Variants in PLCL2 observed in about 807,000 individuals in gnomAD.
The protein encoded by PLCL2 is phospholipase C like 2.
PLCL2 carries 4 observed loss-of-function variants against 79.6 expected under a neutral mutation model. The observed-to-expected ratio is 0.05, with a 90% CI of 0.02 to 0.11. PLCL2 has a LOEUF of 0.11. PLCL2 is among the 10% of genes least tolerant of loss of function. The pLI is 1.00. For synonymous variants in PLCL2, 484 were observed against 457.7 expected, an observed-to-expected ratio of 1.06 and a Z score of -0.73; for missense variants, 895 against 1,291.0, an observed-to-expected ratio of 0.69 and a Z score of 4.70.
intron 1 of PLCL2, among the ~76,000 whole-genome samples, chr3:17,003,079 C>T (rs2064226520): frequency 6.6e-6 from 1 of 152,176 alleles, no homozygotes; most frequent in Non-Finnish European, 1.5e-5. Flanking sequence ...GTTTCAGCAT[C>T]TTCTGAGTCA....
chr3:17,009,787 A>G lies in PLCL2; in HGVS notation c.441A>G (p.Ser147=), dbSNP rs754662964. The G allele has an allele frequency of 4.3e-6, 7 of 1,613,854 alleles. No homozygotes were observed. Among genetic ancestry groups the G allele is most frequent in the Non-Finnish European group, 5.9e-6 (7 of 1,179,826 alleles). Residue 147 remains serine (S), a synonymous_variant, in exon 2 of 6, where the codon TCA becomes TCG. Transcript: ENST00000615277. The surrounding 1 kb of genome is among the most constrained non-coding windows in gnomAD (Gnocchi z 4.0). ...SDCINSMVEG[S]ELKKVRSNSR... is the part of the protein sequence containing the mutation. Reference sequence around the variant, plus strand: ...GTATTAATTCAATGGTTGAGGGTTCAGAACTCAAAAAGGTTCGCTCCAACT... The same window carrying G: ...GTATTAATTCAATGGTTGAGGGTTCGGAACTCAAAAAGGTTCGCTCCAACT...
At chr3:17,032,028 T>C (rs990777417) in intron 3 of PLCL2, among the ~76,000 whole-genome samples, 3 of 151,856 alleles carry the variant, frequency 2.0e-5, no homozygotes, top group African/African-American at 7.3e-5. Context: ...TTTTTGAAAT[T>C]CTGTTTATTT....
intron 4 of PLCL2, among the ~76,000 whole-genome samples, chr3:17,056,549 AT>A (rs2064894157): frequency 6.6e-6 from 1 of 152,210 alleles, no homozygotes; most frequent in African/African-American, 2.4e-5. Context: ...CTTTCTTATA[AT>A]AATAAGGAAT....
At chr3:17,007,847 A>G (rs1575583563) in intron 1 of PLCL2, among the ~76,000 whole-genome samples, 1 of 152,284 alleles carries the variant, frequency 6.6e-6, no homozygotes, top group South Asian at 2.1e-4. Context: ...TCCCATCCCT[A>G]TTTCTTATTT....
Position 16,917,463 on chromosome 3 carries a change from G to T in PLCL2, c.327+32097G>T, listed in dbSNP as rs994540161. Among the ~76,000 whole-genome samples, 12 of 152,282 alleles carry T rather than the reference G, an allele frequency of 7.9e-5. No individual in the cohort carries two copies. In the East Asian group the frequency reaches 2.3e-3, roughly 29 times the overall value. On this transcript the variant is annotated intron_variant, in intron 1 of 5. Transcript: ENST00000615277. The stretch of plus-strand genomic sequence containing the variant: ...GACACATCAGAAATGTCTTGTCTCT[G>T]CTCTCTGATGTCTGGGGCTTCAACT...
intron 5 of PLCL2, among the ~76,000 whole-genome samples, chr3:17,089,485 A>T (rs2065252708): frequency 6.6e-6 from 1 of 152,188 alleles, no homozygotes; most frequent in Non-Finnish European, 1.5e-5. Context: ...ATGCACACAG[A>T]ACCCCATGCA....
Position 16,951,135 on chromosome 3 carries a change from A to G in PLCL2, c.328-58539A>G, listed in dbSNP as rs116696949. ...GAATGGCTTTCTGTTTTTTTTCCTG[A>G]GTAGTTTATGTAACATAGAATTTAC... On this transcript the variant is annotated intron_variant, in intron 1 of 5. Transcript: ENST00000615277. 2.8e-3 allele frequency among the ~76,000 whole-genome samples: 433 copies of G among 152,200 alleles called. 10 individuals are homozygous for G. Among genetic ancestry groups the G allele is most frequent in the Non-Finnish European group, 3.3e-3 (225 of 67,992 alleles).
At chr3:17,071,318 G>GT (rs1055246432) in intron 5 of PLCL2, among the ~76,000 whole-genome samples, 23 of 151,562 alleles carry the variant, frequency 1.5e-4, no homozygotes, top group Admixed American at 2.6e-4. Flanking sequence ...GCCTAGTTTA[G>GT]TTTTTTTTTA....
intron 1 of PLCL2, among the ~76,000 whole-genome samples, chr3:16,972,858 C>G (rs991451853): frequency 2.4e-4 from 37 of 151,952 alleles, no homozygotes; most frequent in African/African-American, 8.7e-4. Flanking sequence ...CATCTGTTTA[C>G]TTTGAGCCTA....
chr3:16,908,765 T>C (rs1696807475), intron 1 of PLCL2, among the ~76,000 whole-genome samples: 1 of 152,196 alleles, frequency 6.6e-6, no homozygotes, highest in Non-Finnish European at 1.5e-5. Context: ...TCCAGGTGGT[T>C]TATTATACAT....
intron 1 of PLCL2, among the ~76,000 whole-genome samples, chr3:16,963,595 T>C (rs924678969): frequency 1.3e-5 from 2 of 152,190 alleles, no homozygotes; most frequent in Admixed American, 1.3e-4. Flanking sequence ...TCCTTGTGAC[T>C]GAATTCTTTG....
At chr3:17,048,703 T>G (rs181182814) in intron 4 of PLCL2, among the ~76,000 whole-genome samples, 1 of 152,344 alleles carries the variant, frequency 6.6e-6, no homozygotes, top group African/African-American at 2.4e-5. Context: ...GTTGGGAGTA[T>G]CTGCTTAAAA....
chr3:16,896,452 T>G (rs1335861375), intron 1 of PLCL2, among the ~76,000 whole-genome samples: 1 of 152,244 alleles, frequency 6.6e-6, no homozygotes. Context: ...CATCTTACAC[T>G]GCAGTCGTGA....
At chr3:16,996,341 G>C (rs1179113605) in intron 1 of PLCL2, among the ~76,000 whole-genome samples, 3 of 151,988 alleles carry the variant, frequency 2.0e-5, no homozygotes, top group African/African-American at 4.8e-5. Context: ...CCTGGACTCA[G>C]GGCCTTCCTA....
At chr3:17,039,602 C>T (rs1469142110) in intron 3 of PLCL2, among the ~76,000 whole-genome samples, 1 of 152,126 alleles carries the variant, frequency 6.6e-6, no homozygotes, top group East Asian at 1.9e-4. Flanking sequence ...TATTTTATAA[C>T]AGGTGTGACA....
In PLCL2 at chr3:17,041,442, A is replaced by AT. The variant is rs576808886; in HGVS notation, c.3019-1425dup. Among the ~76,000 whole-genome samples, 10 of 152,222 alleles carry AT rather than the reference A, an allele frequency of 6.6e-5. No individual in the cohort carries two copies. The South Asian group carries it at 1.7e-3, about 25-fold the overall frequency. ...GGCCTTTAAACTTTTGATGTTTACCATTTTTTTAGAACTGTGCAAGTTGAT... is the reference window on the plus strand; with the variant it reads ...GGCCTTTAAACTTTTGATGTTTACCATTTTTTTTAGAACTGTGCAAGTTGAT... On this transcript the variant is annotated intron_variant, in intron 3 of 5. Coordinates refer to ENST00000615277, the MANE Select transcript of PLCL2 (RefSeq NM_001144382.2).
intron 1 of PLCL2, among the ~76,000 whole-genome samples, chr3:17,003,570 A>T (rs764492658): frequency 2.3e-4 from 35 of 152,096 alleles, no homozygotes; most frequent in Non-Finnish European, 7.4e-5. Context: ...GTCAGGGAGA[A>T]GTTTTGGTCC....
rs767612275 is a variant in PLCL2, at chr3:17,010,346, G to T, written c.1000G>T (p.Val334Phe). Residue 334 changes from valine to phenylalanine, a missense_variant, in exon 2 of 6, where the codon GTT becomes TTT. Val to Phe is a conservative substitution (Grantham distance 50). Coordinates refer to ENST00000615277, the MANE Select transcript of PLCL2 (RefSeq NM_001144382.2). The surrounding 1 kb of genome is among the most constrained non-coding windows in gnomAD (Gnocchi z 5.8). ...TEVTKEEFIE[V>F]FHELCTRPEI... ...GGTCACAAAGGAAGAATTTATTGAGGTTTTTCATGAGCTTTGTACTAGACC... is the reference window on the plus strand; with the variant it reads ...GGTCACAAAGGAAGAATTTATTGAGTTTTTTCATGAGCTTTGTACTAGACC... 2 of 1,613,930 alleles carry T rather than the reference G, an allele frequency of 1.2e-6. No individual in the cohort carries two copies. The highest frequency in any genetic ancestry group is 1.7e-6 in the Non-Finnish European group (2 of 1,180,012).
rs1032756464 is a variant in PLCL2, at chr3:17,009,281, C to T, written c.328-393C>T. The stretch of plus-strand genomic sequence containing the variant: ...GATTACAGGCATGAGCCACCATGCC[C>T]GGCCAAAAAAAATTTTTTTTTGTAG... On this transcript the variant is annotated intron_variant, in intron 1 of 5. Coordinates refer to ENST00000615277, the MANE Select transcript of PLCL2 (RefSeq NM_001144382.2). This position sits in a 1 kb window ranked among gnomAD's most constrained non-coding sequence, Gnocchi z 4.0. 6.6e-6 allele frequency among the ~76,000 whole-genome samples: 1 copy of T among 151,946 alleles called. No homozygotes were observed. The highest frequency in any genetic ancestry group is 1.5e-5 in the Non-Finnish European group (1 of 67,990).
Sources: allele counts gnomAD v4.1 joint callset (sites outside exome capture counted in the v4.1 genomes callset), GRCh38; gene constraint gnomAD v4.1.1; non-coding constraint Gnocchi (gnomAD v3.1); transcripts MANE v1.5; gene names NCBI Gene and HGNC (gene_info 2026-07-23, HGNC 2026-07-21).